NRG1: variants seen among roughly 807,000 people sequenced by gnomAD.
The protein encoded by NRG1 is neuregulin 1, also known as pro-neuregulin-1, membrane-bound isoform.
NRG1 carries 18 observed loss-of-function variants against 63.8 expected under a neutral mutation model. That is an observed-to-expected ratio of 0.28 (90% CI 0.19 to 0.42). The LOEUF (loss-of-function observed/expected upper bound fraction) is 0.42, where lower values mean the gene tolerates loss of function less well. Among genes scored for constraint, NRG1 ranks in the 10% least tolerant of loss-of-function variants. NRG1 has a pLI of 1.00. For missense variants in NRG1, 762 were observed against 814.7 expected (o/e 0.94, Z 0.79); for synonymous variants, 302 against 301.3 (o/e 1.00, Z -0.02).
At chr8:32,586,214 A>T (rs1349331868) in intron 1 of NRG1, among the ~76,000 whole-genome samples, 1 of 147,684 alleles carries the variant, frequency 6.8e-6, no homozygotes, top group African/African-American at 2.5e-5. Flanking sequence ...ACATTCTACT[A>T]TATATACTAT....
chr8:32,119,881 G>C (rs1236302110), intron 1 of NRG1, among the ~76,000 whole-genome samples: 1 of 152,028 alleles, frequency 6.6e-6, no homozygotes, highest in Non-Finnish European at 1.5e-5. Context: ...GAAAGTTTTT[G>C]ATCTATTAGT....
chr8:31,653,287 G>C (rs1328687965), intron 1 of NRG1, among the ~76,000 whole-genome samples: 3 of 151,894 alleles, frequency 2.0e-5, no homozygotes, highest in African/African-American at 7.3e-5. Context: ...ACTTATCTTT[G>C]TCTTTTTAGA....
chr8:31,695,114 T>C (rs1435792256), intron 1 of NRG1, among the ~76,000 whole-genome samples: 1 of 152,212 alleles, frequency 6.6e-6, no homozygotes, highest in Non-Finnish European at 1.5e-5. Context: ...AGCAAGCACC[T>C]TCTTCACATT....
chr8:32,576,098 C>T (rs1244409544), intron 1 of NRG1, among the ~76,000 whole-genome samples: 3 of 152,066 alleles, frequency 2.0e-5, no homozygotes, highest in African/African-American at 4.8e-5. Context: ...ATTTAGCATA[C>T]GTGTCATCAT....
intron 1 of NRG1, among the ~76,000 whole-genome samples, chr8:31,929,536 C>T (rs1369543218): frequency 1.3e-5 from 2 of 151,872 alleles, no homozygotes; most frequent in Non-Finnish European, 2.9e-5. Flanking sequence ...TATGTAATGA[C>T]ATATATATAA....
intron 1 of NRG1, among the ~76,000 whole-genome samples, chr8:32,514,473 C>T (rs1829582289): frequency 6.6e-6 from 1 of 152,070 alleles, no homozygotes; most frequent in African/African-American, 2.4e-5. Flanking sequence ...TAACATACAA[C>T]AAATGTTTTG....
intron 1 of NRG1, among the ~76,000 whole-genome samples, chr8:31,680,234 G>A (rs1206996304): frequency 6.6e-6 from 1 of 151,622 alleles, no homozygotes; most frequent in Non-Finnish European, 1.5e-5. Flanking sequence ...CTGGTGCGCT[G>A]CACCCACTAA....
In NRG1 at chr8:32,031,272, C is replaced by G. The variant is rs368291576; in HGVS notation, c.37+391841C>G. ...CCACCCCAGGACCTCAGGCCCATCT[C>G]TCTTTCCAAAGGTAGGTAGGTGGCC... On this transcript the variant is annotated intron_variant, in intron 1 of 10. Transcript: ENST00000519301. 1.5e-4 allele frequency among the ~76,000 whole-genome samples: 23 copies of G among 152,358 alleles called. 1 individual carries two copies. In the South Asian group the frequency reaches 4.8e-3, roughly 32 times the overall value.
intron 1 of NRG1, among the ~76,000 whole-genome samples, chr8:31,954,023 T>G (rs1803932564): frequency 6.6e-6 from 1 of 152,186 alleles, no homozygotes; most frequent in East Asian, 1.9e-4. Context: ...TAGCTGGACC[T>G]TCATAAATGG....
intron 1 of NRG1, among the ~76,000 whole-genome samples, chr8:32,103,854 C>A (rs1305459210): frequency 6.6e-6 from 1 of 152,130 alleles, no homozygotes; most frequent in African/African-American, 2.4e-5. Context: ...GTTGGAGGCG[C>A]AGGGCATCTC....
chr8:32,254,854 C>T (rs913224875), intron 1 of NRG1, among the ~76,000 whole-genome samples: 6 of 152,134 alleles, frequency 3.9e-5, no homozygotes, highest in Admixed American at 2.6e-4. Flanking sequence ...TCTGGGTGCT[C>T]CTCATATTGG....
chr8:32,170,807 C>T (rs936968872), intron 1 of NRG1, among the ~76,000 whole-genome samples: 4 of 152,064 alleles, frequency 2.6e-5, no homozygotes, highest in Admixed American at 6.5e-5. Context: ...GGCTTCTAGT[C>T]GATATTTGGT....
chr8:32,031,447 C>T (rs962587275), intron 1 of NRG1, among the ~76,000 whole-genome samples: 3 of 152,294 alleles, frequency 2.0e-5, no homozygotes, highest in East Asian at 1.9e-4. Flanking sequence ...ATCTGCCCTC[C>T]CCGCACGGGC....
At chr8:32,724,188 C>T (rs1821451751) in intron 5 of NRG1, among the ~76,000 whole-genome samples, 2 of 152,130 alleles carry the variant, frequency 1.3e-5, no homozygotes, top group South Asian at 4.1e-4. Context: ...AAAGTAATGT[C>T]AGATTTTGTA....
chr8:31,659,977 C>T (rs1471867552), intron 1 of NRG1, among the ~76,000 whole-genome samples: 1 of 152,158 alleles, frequency 6.6e-6, no homozygotes, highest in Non-Finnish European at 1.5e-5. Context: ...CATCATTATA[C>T]TCATTTTACA....
chr8:32,241,895 A>G (rs1461989943), intron 1 of NRG1, among the ~76,000 whole-genome samples: 3 of 151,952 alleles, frequency 2.0e-5, no homozygotes, highest in South Asian at 2.1e-4. Context: ...AGTAGCTGGG[A>G]CTACAGGTCC....
At chr8:31,902,827 A>T (rs1173347577) in intron 1 of NRG1, among the ~76,000 whole-genome samples, 3 of 152,172 alleles carry the variant, frequency 2.0e-5, no homozygotes, top group Non-Finnish European at 1.5e-5. Flanking sequence ...CCACATGGCC[A>T]TGTTATAGGT....
At chr8:32,091,093 C>A (rs1829065975) in intron 1 of NRG1, among the ~76,000 whole-genome samples, 2 of 152,092 alleles carry the variant, frequency 1.3e-5, no homozygotes, top group South Asian at 4.1e-4. Flanking sequence ...TCCTGGCTAA[C>A]ACGGTGAAAC....
At chr8:32,574,162 G>A (rs1247033554) in intron 1 of NRG1, among the ~76,000 whole-genome samples, 1 of 152,072 alleles carries the variant, frequency 6.6e-6, no homozygotes, top group Non-Finnish European at 1.5e-5. Flanking sequence ...GATCTTAGGA[G>A]CATAATGCTG....
Sources: allele counts gnomAD v4.1 joint callset (sites outside exome capture counted in the v4.1 genomes callset), GRCh38; gene constraint gnomAD v4.1.1; transcripts MANE v1.5; gene names NCBI Gene and HGNC (gene_info 2026-07-23, HGNC 2026-07-21).